PPP1R9B: variants seen among roughly 807,000 people sequenced by gnomAD.
PPP1R9B encodes protein phosphatase 1 regulatory subunit 9B.
A neutral mutation model predicts 75.8 loss-of-function variants in PPP1R9B; 17 were observed. The ratio of observed to expected loss-of-function variants is 0.22; its 90% CI spans 0.15 to 0.34. The LOEUF is 0.34. PPP1R9B is among the 10% of genes least tolerant of loss of function. The pLI, the probability that PPP1R9B is intolerant of heterozygous loss-of-function variation, is 1.00. For missense variants in PPP1R9B, 875 were observed against 1,196.0 expected (o/e 0.73, Z 3.96); for synonymous variants, 509 against 535.4 (o/e 0.95, Z 0.68).
chr17:50,147,878 C>A (rs1260947764), intron 1 of PPP1R9B, among the ~76,000 whole-genome samples: 4 of 151,966 alleles, frequency 2.6e-5, no homozygotes, highest in Admixed American at 6.6e-5. Context: ...ACATTCTGGG[C>A]GAGTGAGAGG....
At position 50,149,491 on chromosome 17, in the gene PPP1R9B, G is replaced by A. The variant is rs1397541935; in HGVS notation, c.1023C>T (p.Pro341=). 12 of 1,597,750 alleles carry A rather than the reference G, an allele frequency of 7.5e-6. No homozygotes were observed. The highest frequency in any genetic ancestry group is 8.5e-6 in the Non-Finnish European group (10 of 1,173,510). The change falls in exon 1 of 10, where the codon CCC becomes CCT. Residue 341 remains proline, a synonymous_variant. Coordinates refer to ENST00000612501, the MANE Select transcript of PPP1R9B (RefSeq NM_032595.5). The surrounding 1 kb of genome is among the most constrained non-coding windows in gnomAD (Gnocchi z 7.2). ...CTTGGGCCTTTGGCTCCTCGGGCGC[G>A]GGGCTGGCTGCAGTTGCCACGGTGC... ...NGSTVATAAS[P]APEEPKAQAA...
rs1388501371 is a variant in PPP1R9B at position 50,142,958 on chromosome 17, G to A, written c.1625+640C>T. On this transcript the variant is annotated intron_variant, in intron 3 of 9. Coordinates refer to ENST00000612501, the MANE Select transcript of PPP1R9B (RefSeq NM_032595.5). The surrounding 1 kb of genome is among the most constrained non-coding windows in gnomAD (Gnocchi z 4.1). ...CTGCCTGCTCATGGCGCCACTGCCT[G>A]GAACCTCTGCACTCACTCCCTCAGC... 2.6e-5 allele frequency among the ~76,000 whole-genome samples: 4 copies of A among 152,050 alleles called. No homozygotes were observed. The highest frequency in any genetic ancestry group is 9.7e-5 in the African/African-American group (4 of 41,340).
Position 50,139,518 on chromosome 17 carries a change from C to T in PPP1R9B, c.1930G>A (p.Ala644Thr). ...TCCGCTAGCTCAAACACCTCGATGG[C>T]CATCTCACCACCCGGGAACGTGGGG... Reference protein sequence around the residue: ...LSPTFPGGEMAIEVFELAENE... With the variant: ...LSPTFPGGEMTIEVFELAENE... Residue 644 changes from alanine (A) to threonine (T), a missense_variant, in exon 6 of 10, where the codon GCC becomes ACC. Transcript: ENST00000612501. The surrounding 1 kb of genome is among the most constrained non-coding windows in gnomAD (Gnocchi z 5.0). 1 of 1,599,258 alleles carries T rather than the reference C, an allele frequency of 6.3e-7. No homozygotes were observed. Among genetic ancestry groups the T allele is most frequent in the Non-Finnish European group, 8.5e-7 (1 of 1,171,362 alleles).
Position 50,141,385 on chromosome 17 carries a change from A to G in PPP1R9B, c.1626-12T>C. Reference sequence around the variant, plus strand: ...CATTCACCTGGATCCTAGCGGAGTGACATTGGTTAAGGGGTCACAGGGGAA... The same window carrying G: ...CATTCACCTGGATCCTAGCGGAGTGGCATTGGTTAAGGGGTCACAGGGGAA... On this transcript the variant is annotated splice_polypyrimidine_tract_variant and intron_variant, in intron 3 of 9. Coordinates refer to ENST00000612501, the MANE Select transcript of PPP1R9B (RefSeq NM_032595.5). 1 of 1,556,276 alleles carries G rather than the reference A, an allele frequency of 6.4e-7. No individual in the cohort carries two copies.
rs1912605284 is a variant in PPP1R9B, at chr17:50,149,187, G to C, written c.1327C>G (p.Pro443Ala). 6.3e-7 allele frequency: 1 copy of C among 1,583,540 alleles called. No individual in the cohort carries two copies. Among genetic ancestry groups the C allele is most frequent in the Non-Finnish European group, 8.6e-7 (1 of 1,164,902 alleles). ...EIPGLSEEED[P>A]APSRKIHFST... ...AAATGGATCTTCCGGCTCGGGGCTG[G>C]GTCCTCCTCCTCCGACAGCCCCGGG... The change falls in exon 1 of 10, where the codon CCA becomes GCA. Residue 443 changes from proline (P) to alanine (A), a missense_variant. This residue lies in a region of PPP1R9B where 449 missense variants were observed against 475.0 expected (regional missense o/e 0.95). Coordinates refer to ENST00000612501, the MANE Select transcript of PPP1R9B (RefSeq NM_032595.5). The surrounding 1 kb of genome is among the most constrained non-coding windows in gnomAD (Gnocchi z 7.2).
intron 7 of PPP1R9B, among the ~76,000 whole-genome samples, chr17:50,138,153 CGTGTGTGTGTGTGTGTGTGT>C (rs58489923): frequency 0.023 from 3,380 of 146,412 alleles, 45 homozygotes; most frequent in Middle Eastern, 0.035. Flanking sequence ...GTGTATACTA[CGTGTGTGTGTGTGTGTGTGT>C]GTGTGTGTGT....
Position 50,136,094 on chromosome 17 carries a change from T to C in PPP1R9B, c.2177A>G (p.Tyr726Cys). Residue 726 changes from tyrosine (Y) to cysteine (C), a missense_variant, in exon 8 of 10, where the codon TAC becomes TGC. Around this residue, in one of 4 missense-constraint regions of PPP1R9B, gnomAD observed 218 missense variants for 334.6 expected, o/e 0.65. Transcript: ENST00000612501. ...GCACAGGCTCTGGGCCTCACCCCAG[T>C]AGCCTTCCAGTTTCTCCATGCGCTC... ...NKERMEKLEG[Y>C]WGEAQSLCQA... 1 of 1,611,926 alleles carries C rather than the reference T, an allele frequency of 6.2e-7. No homozygotes were observed. Among genetic ancestry groups the C allele is most frequent in the Non-Finnish European group, 8.5e-7 (1 of 1,179,826 alleles).
At position 50,135,523 on chromosome 17, in the gene PPP1R9B, G is replaced by C. The variant is rs750196324; in HGVS notation, c.2400+30C>G. 1.9e-6 allele frequency: 3 copies of C among 1,597,900 alleles called. No individual in the cohort carries two copies. The South Asian group carries it at 3.3e-5, about 18-fold the overall frequency. On this transcript the variant is annotated intron_variant, in intron 9 of 9. Transcript: ENST00000612501. ...GGCTTCAATGCTGCTCCCTCCACTG[G>C]GCCCTGCCCACAGGGCGCCCCAGGC... is the stretch of plus-strand genomic sequence containing the variant.
At chr17:50,137,020 C>T (rs1912249778) in intron 7 of PPP1R9B, among the ~76,000 whole-genome samples, 1 of 152,196 alleles carries the variant, frequency 6.6e-6, no homozygotes. Flanking sequence ...ACATCCCTTG[C>T]TCTCTGTCCC....
At position 50,150,548 on chromosome 17, in the gene PPP1R9B, C is replaced by A; in HGVS notation, c.-35G>T. The A allele has an allele frequency of 7.8e-7, 1 of 1,274,816 alleles. No homozygotes were observed. Among genetic ancestry groups the A allele is most frequent in the Non-Finnish European group, 9.9e-7 (1 of 1,010,004 alleles). 79.0% of individuals were successfully genotyped at this position (1,274,816 alleles called of 1,614,324 possible). On this transcript the variant is annotated 5_prime_UTR_variant, in exon 1 of 10. Transcript: ENST00000612501. The surrounding 1 kb of genome is among the most constrained non-coding windows in gnomAD (Gnocchi z 8.7). ...AGCCGGGTTCGCATGCCCCTGCTCC[C>A]CGCTCCCCCGCTTCAACAGGCGGCT... is the stretch of plus-strand genomic sequence containing the variant.
chr17:50,145,324 G>T, intron 1 of PPP1R9B, 79 bp from the exon 2 acceptor site: 1 of 1,579,822 alleles, frequency 6.3e-7, no homozygotes, highest in Non-Finnish European at 8.6e-7. Context: ...GAGGAGGCAG[G>T]CTGAGTTACC....
At chr17:50,137,026 GT>G (rs1222648072) in intron 7 of PPP1R9B, among the ~76,000 whole-genome samples, 1 of 152,082 alleles carries the variant, frequency 6.6e-6, no homozygotes, top group African/African-American at 2.4e-5. Flanking sequence ...CTTGCTCTCT[GT>G]CCCCCAGCCA....
intron 3 of PPP1R9B, among the ~76,000 whole-genome samples, chr17:50,141,664 A>G (rs1268764937): frequency 8.1e-5 from 12 of 148,596 alleles, no homozygotes; most frequent in Admixed American, 8.0e-4. Flanking sequence ...CCCTGCCTCA[A>G]AAAAAAAAAA....
Position 50,136,286 on chromosome 17 carries a change from G to C in PPP1R9B, c.2074-89C>G, listed in dbSNP as rs1009990233. 10 of 1,115,320 alleles carry C rather than the reference G, an allele frequency of 9.0e-6. No homozygotes were observed. In the Admixed American group the frequency reaches 2.3e-4, roughly 26 times the overall value. 69.1% of individuals were successfully genotyped at this position (1,115,320 alleles called of 1,614,324 possible). ...CCTAGCACTGGGGCCAGAGTCGCCA[G>C]GGGATTCCTACCGTTGTGGAGTCCA... is the stretch of plus-strand genomic sequence containing the variant. On this transcript the variant is annotated intron_variant, in intron 7 of 9. Coordinates refer to ENST00000612501, the MANE Select transcript of PPP1R9B (RefSeq NM_032595.5).
chr17:50,139,190 G>A lies in PPP1R9B; in HGVS notation c.2073+73C>T. 1.3e-6 allele frequency: 2 copies of A among 1,546,090 alleles called. No individual in the cohort carries two copies. Among genetic ancestry groups the A allele is most frequent in the Non-Finnish European group, 1.8e-6 (2 of 1,118,154 alleles). Reference sequence around the variant, plus strand: ...TGCCTAAGTGTCAGCATGTGCAGGTGTGAGGGTAGGGGGACCCTGCTCCTC... The same window carrying A: ...TGCCTAAGTGTCAGCATGTGCAGGTATGAGGGTAGGGGGACCCTGCTCCTC... On this transcript the variant is annotated intron_variant, in intron 7 of 9. Transcript: ENST00000612501. The surrounding 1 kb of genome is among the most constrained non-coding windows in gnomAD (Gnocchi z 5.0).
Position 50,135,081 on chromosome 17 carries a change from T to G in PPP1R9B, c.*250A>C. On this transcript the variant is annotated 3_prime_UTR_variant, in exon 10 of 10. Coordinates refer to ENST00000612501, the MANE Select transcript of PPP1R9B (RefSeq NM_032595.5). ...GGCCAGCCCTCGGCAGCCCTCGGCC[T>G]CTGTGCCTCAGCCCCATGGGGCAAG... 1 of 564,914 alleles carries G rather than the reference T, an allele frequency of 1.8e-6. No individual in the cohort carries two copies. Among genetic ancestry groups the G allele is most frequent in the Non-Finnish European group, 3.2e-6 (1 of 314,412 alleles). The allele number at this position is 564,914 out of a possible 1,614,324, so 35.0% of individuals were successfully genotyped here.
rs1335993557 is a variant in PPP1R9B at position 50,133,805 on chromosome 17, T to C, written c.*1526A>G. The C allele has an allele frequency of 1.3e-5, 2 of 152,222 alleles. No homozygotes were observed. The highest frequency in any genetic ancestry group is 4.8e-5 in the African/African-American group (2 of 41,450). The allele number at this position is 152,222 out of a possible 1,614,324, so 9.4% of individuals were successfully genotyped here. Reference sequence around the variant, plus strand: ...TCCGTACAAAACCGGGAACAATACATACATATATATATTATATACAGAGAT... The same window carrying C: ...TCCGTACAAAACCGGGAACAATACACACATATATATATTATATACAGAGAT... On this transcript the variant is annotated 3_prime_UTR_variant, in exon 10 of 10. Transcript: ENST00000612501.
At position 50,139,155 on chromosome 17, in the gene PPP1R9B, T is replaced by G; in HGVS notation, c.2073+108A>C. ...TCTTGCTTTAGAGCAGCTTGTTCTG[T>G]GGGTACCTGTGCCTAAGTGTCAGCA... On this transcript the variant is annotated intron_variant, in intron 7 of 9. Transcript: ENST00000612501. The surrounding 1 kb of genome is among the most constrained non-coding windows in gnomAD (Gnocchi z 5.0). 1 of 1,236,830 alleles carries G rather than the reference T, an allele frequency of 8.1e-7. No homozygotes were observed. The highest frequency in any genetic ancestry group is 1.2e-6 in the Non-Finnish European group (1 of 837,532). The allele number at this position is 1,236,830 out of a possible 1,614,324, so 76.6% of individuals were successfully genotyped here. A position where few individuals can be genotyped will look rare whatever the true frequency, so the allele number is the denominator to read the frequency against.
rs1470747094 is a variant in PPP1R9B at position 50,135,995 on chromosome 17, T to C, written c.2276A>G (p.Lys759Arg). 6.3e-7 allele frequency: 1 copy of C among 1,586,392 alleles called. No individual in the cohort carries two copies. Among genetic ancestry groups the C allele is most frequent in the Non-Finnish European group, 8.6e-7 (1 of 1,166,124 alleles). The change falls in exon 8 of 10, where the codon AAG becomes AGG. Residue 759 changes from lysine to arginine, a missense_variant. Around this residue, in one of 4 missense-constraint regions of PPP1R9B, gnomAD observed 218 missense variants for 334.6 expected, o/e 0.65. Coordinates refer to ENST00000612501, the MANE Select transcript of PPP1R9B (RefSeq NM_032595.5). ...QALERKYSKAKRLIKDYQQKE... is the reference protein window; with the variant it reads ...QALERKYSKARRLIKDYQQKE... Reference sequence around the variant, plus strand: ...CTGCTGGTAGTCCTTGATGAGGCGCTTGGCCTTGCTGTACTTGCGCTCCAG... The same window carrying C: ...CTGCTGGTAGTCCTTGATGAGGCGCCTGGCCTTGCTGTACTTGCGCTCCAG...
Sources: allele counts gnomAD v4.1 joint callset (sites outside exome capture counted in the v4.1 genomes callset), GRCh38; gene constraint gnomAD v4.1.1; regional missense constraint gnomAD v4.1.1; non-coding constraint Gnocchi (gnomAD v3.1); transcripts MANE v1.5; gene names NCBI Gene and HGNC (gene_info 2026-07-23, HGNC 2026-07-21).